ACVRL1: variants seen among roughly 807,000 people sequenced by gnomAD.
ACVRL1 encodes activin receptor type-1-like.
ACVRL1 carries 20 observed loss-of-function variants against 51.9 expected under a neutral mutation model. That is an observed-to-expected ratio of 0.39 (90% CI 0.27 to 0.56). The LOEUF (loss-of-function observed/expected upper bound fraction) is 0.56. Among genes scored for constraint, ACVRL1 ranks in the 20% least tolerant of loss-of-function variants. ACVRL1 has a pLI of 0.67. For synonymous variants in ACVRL1, 288 were observed against 280.9 expected (o/e 1.03, Z -0.25); for missense variants, 451 against 670.3 (o/e 0.67, Z 3.61).
intron 1 of ACVRL1, chr12:51,912,255 C>G: frequency 1.6e-6 from 1 of 639,674 alleles, no homozygotes; most frequent in South Asian, 1.8e-5. Flanking sequence ...TTGCTCTCCA[C>G]CCTTCACCTC....
At chr12:51,914,335 G>T in intron 5 of ACVRL1, 104 bp from the exon 6 acceptor site, 1 of 1,527,794 alleles carries the variant, frequency 6.5e-7, no homozygotes, top group Non-Finnish European at 9.0e-7. Context: ...CTGGGGTTCT[G>T]TGGGTGGGGT....
intron 9 of ACVRL1, among the ~76,000 whole-genome samples, chr12:51,919,938 T>C (rs1207157257): frequency 6.6e-6 from 1 of 152,232 alleles, no homozygotes; most frequent in East Asian, 1.9e-4. Flanking sequence ...TTACCTATCA[T>C]AGTATCTGGC....
chr12:51,913,110 A>G lies in ACVRL1; in HGVS notation c.73A>G (p.Lys25Glu). Residue 25 changes from lysine (K) to glutamate (E), a missense_variant, in exon 3 of 10, where the codon AAG becomes GAG. Lys to Glu is a moderately conservative substitution (Grantham distance 56). Transcript: ENST00000388922. ...GGTGTGTCTTCCAGGAGACCCTGTGAAGCCGTCTCGGGGCCCGCTGGTGAC... is the reference window on the plus strand; with the variant it reads ...GGTGTGTCTTCCAGGAGACCCTGTGGAGCCGTCTCGGGGCCCGCTGGTGAC... ...MALVTQGDPV[K>E]PSRGPLVTCT... 1 of 1,604,684 alleles carries G rather than the reference A, an allele frequency of 6.2e-7. No homozygotes were observed. The highest frequency in any genetic ancestry group is 1.3e-5 in the African/African-American group (1 of 74,884).
At chr12:51,909,991 G>A (rs959857286) in intron 1 of ACVRL1, among the ~76,000 whole-genome samples, 43 of 152,194 alleles carry the variant, frequency 2.8e-4, no homozygotes, top group African/African-American at 1.0e-3. Flanking sequence ...CAGGCCCCAG[G>A]AGTCTGTCTG....
At chr12:51,913,525 G>A in intron 3 of ACVRL1, 34 bp from the exon 4 acceptor site, 1 of 1,583,026 alleles carries the variant, frequency 6.3e-7, no homozygotes, top group Admixed American at 1.7e-5. Context: ...AGCTGACCTA[G>A]TGGAAGCTGA....
rs2139068965 is a variant in ACVRL1 at position 51,914,067 on chromosome 12, T to C, written c.619T>C (p.Cys207Arg). 1 of 1,611,866 alleles carries C rather than the reference T, an allele frequency of 6.2e-7. No individual in the cohort carries two copies. Among genetic ancestry groups the C allele is most frequent in the East Asian group, 2.2e-5 (1 of 44,754 alleles). ...GGCACGGCAGGTTGCCTTGGTGGAG[T>C]GTGTGGGTGAGCAGTGGGTGAGCCC... The part of the protein sequence containing the change: ...TVARQVALVE[C>R]VGKGRYGEVW... Residue 207 changes from cysteine to arginine, a missense_variant, in exon 5 of 10, where the codon TGT becomes CGT. This residue lies in a region of ACVRL1 where 259 missense variants were observed against 453.4 expected (regional missense o/e 0.57). Transcript: ENST00000388922.
intron 7 of ACVRL1, chr12:51,915,809 C>G: frequency 3.2e-6 from 2 of 634,552 alleles, no homozygotes; most frequent in South Asian, 4.0e-5. Context: ...GCCTGCCTTG[C>G]CCACTCACAT....
At chr12:51,918,796 CA>C (rs1940902073) in intron 8 of ACVRL1, among the ~76,000 whole-genome samples, 188 bp from the exon 9 acceptor site, 1 of 152,230 alleles carries the variant, frequency 6.6e-6, no homozygotes, top group Non-Finnish European at 1.5e-5. Context: ...ATGCCATGTG[CA>C]AAACAAATGG....
chr12:51,919,820 A>C (rs971171258), intron 9 of ACVRL1, among the ~76,000 whole-genome samples: 1 of 152,220 alleles, frequency 6.6e-6, no homozygotes, highest in Non-Finnish European at 1.5e-5. Flanking sequence ...ACAAGCGTGA[A>C]TATCCTTCTG....
In ACVRL1 at chr12:51,917,854, G is replaced by A. The variant is rs1940875756; in HGVS notation, c.1247-1131G>A. On this transcript the variant is annotated intron_variant, in intron 8 of 9. Transcript: ENST00000388922. The surrounding 1 kb of genome is among the most constrained non-coding windows in gnomAD (Gnocchi z 4.2). ...CTGGGAGGAGGCTGCCTGGGGTGGA[G>A]GGGGAAGCTCCATCAGCCCCACACG... Among the ~76,000 whole-genome samples the A allele has an allele frequency of 6.6e-6, 1 of 152,200 alleles. No homozygotes were observed. Among genetic ancestry groups the A allele is most frequent in the Non-Finnish European group, 1.5e-5 (1 of 68,042 alleles).
chr12:51,913,852 G>C lies in ACVRL1; in HGVS notation c.525+82G>C, dbSNP rs557694625. 1.9e-5 allele frequency: 30 copies of C among 1,580,362 alleles called. No homozygotes were observed. In the South Asian group the frequency reaches 2.9e-4, roughly 16 times the overall value. On this transcript the variant is annotated intron_variant, in intron 4 of 9. Coordinates refer to ENST00000388922, the MANE Select transcript of ACVRL1 (RefSeq NM_000020.3). ...AATCAGAGGGGTCACCCAGAGATTA[G>C]AGCCGGTGGGGAGCTGGGCGAGTGA...
intron 6 of ACVRL1, among the ~76,000 whole-genome samples, chr12:51,914,894 C>T (rs940523142): frequency 2.0e-5 from 3 of 152,104 alleles, no homozygotes; most frequent in African/African-American, 7.2e-5. Context: ...CAGGCATGTG[C>T]CACCATGCCC....
At chr12:51,914,337 G>T in intron 5 of ACVRL1, 102 bp from the exon 6 acceptor site, 1 of 1,533,088 alleles carries the variant, frequency 6.5e-7, no homozygotes, top group East Asian at 2.3e-5. Context: ...GGGGTTCTGT[G>T]GGTGGGGTGG....
chr12:51,920,738 C>T, intron 9 of ACVRL1, 21 bp from the exon 10 acceptor site: 1 of 1,612,984 alleles, frequency 6.2e-7, no homozygotes. Context: ...CTCTCCTCTG[C>T]ACCTCTCTCC....
intron 1 of ACVRL1, among the ~76,000 whole-genome samples, chr12:51,909,041 G>C (rs188284290): frequency 3.4e-4 from 52 of 152,282 alleles, no homozygotes; most frequent in Admixed American, 5.2e-4. Context: ...CTGCTGTTGG[G>C]GTAAGGCCTA....
chr12:51,909,274 T>A (rs1329745827), intron 1 of ACVRL1, among the ~76,000 whole-genome samples: 1 of 152,084 alleles, frequency 6.6e-6, no homozygotes, highest in Non-Finnish European at 1.5e-5. Flanking sequence ...GGCAAACAGA[T>A]GATTTCTGGG....
At chr12:51,909,486 C>A (rs1431067393) in intron 1 of ACVRL1, among the ~76,000 whole-genome samples, 3 of 151,854 alleles carry the variant, frequency 2.0e-5, no homozygotes, top group Non-Finnish European at 4.4e-5. Flanking sequence ...TGAGCAAGAC[C>A]CTGTCTCAAA....
intron 3 of ACVRL1, 73 bp from the exon 4 acceptor site, chr12:51,913,486 G>A: frequency 1.3e-6 from 2 of 1,538,254 alleles, no homozygotes; most frequent in East Asian, 2.4e-5. Context: ...GGATCTAACT[G>A]GCAGAGTGGT....
In ACVRL1 at chr12:51,921,079, T is replaced by C; in HGVS notation, c.*186T>C. On this transcript the variant is annotated 3_prime_UTR_variant, in exon 10 of 10. Transcript: ENST00000388922. The stretch of plus-strand genomic sequence containing the variant: ...GCTGGGCTGAAACCTGATCCCCTGC[T>C]GTCTGGCCTGCTCAAAGCGGCAGGC... 1.4e-6 allele frequency: 1 copy of C among 704,348 alleles called. No homozygotes were observed. Among genetic ancestry groups the C allele is most frequent in the East Asian group, 2.8e-5 (1 of 36,232 alleles). The allele number at this position is 704,348 out of a possible 1,614,324, so 43.6% of individuals were successfully genotyped here. A position where few individuals can be genotyped will look rare whatever the true frequency, so the allele number is the denominator to read the frequency against.
Sources: gnomAD v4.1 joint callset for allele counts (sites outside exome capture counted in the v4.1 genomes callset) on GRCh38, gnomAD v4.1.1 for gene constraint, gnomAD v4.1.1 regional missense constraint, Gnocchi (gnomAD v3.1) non-coding constraint, MANE v1.5 for transcripts, NCBI Gene and HGNC (gene_info 2026-07-23, HGNC 2026-07-21) for gene names.